Variants in GDPD4 observed in about 807,000 individuals in gnomAD.
GDPD4 encodes the protein glycerophosphodiester phosphodiesterase domain containing 4.
In GDPD4, 60 loss-of-function variants were observed where a neutral mutation model predicts 67.8. The ratio of observed to expected loss-of-function variants is 0.88; its 90% CI spans 0.72 to 1.10. The LOEUF is 1.10. Among genes scored for constraint, GDPD4 ranks in the 50% least tolerant of loss-of-function variants. The probability of loss-of-function intolerance (pLI) is 0.00; values close to 1 mark genes in which losing one functional copy is unlikely to be tolerated. For missense variants in GDPD4, 623 were observed against 613.9 expected (o/e 1.01, Z -0.16); for synonymous variants, 212 against 210.9 (o/e 1.00, Z -0.04).
At chr11:77,286,274 T>C (rs1591578354) in intron 2 of GDPD4, among the ~76,000 whole-genome samples, 1 of 152,216 alleles carries the variant, frequency 6.6e-6, no homozygotes, top group Non-Finnish European at 1.5e-5. Context: ...CCCCTTGGTA[T>C]GTGCCTGTGT....
At chr11:77,232,404 A>G (rs898912333) in intron 14 of GDPD4, among the ~76,000 whole-genome samples, 9 of 152,200 alleles carry the variant, frequency 5.9e-5, no homozygotes, top group Non-Finnish European at 1.3e-4. Flanking sequence ...TGTAGCAGTA[A>G]CTGGTTAGCT....
intron 16 of GDPD4, among the ~76,000 whole-genome samples, chr11:77,225,912 T>C (rs1256786493): frequency 1.3e-5 from 2 of 152,186 alleles, no homozygotes; most frequent in African/African-American, 4.8e-5. Context: ...GTTCCTTCCC[T>C]GATTCTAAAC....
At chr11:77,229,020 G>C in intron 15 of GDPD4, 130 bp downstream of exon 15, 1 of 559,196 alleles carries the variant, frequency 1.8e-6, no homozygotes, top group Non-Finnish European at 3.2e-6. Context: ...CATGAGAAGA[G>C]AGATTCAGAT....
At chr11:77,233,874 A>C (rs2135831852) in intron 13 of GDPD4, among the ~76,000 whole-genome samples, 1 of 152,324 alleles carries the variant, frequency 6.6e-6, no homozygotes, top group Admixed American at 6.5e-5. Flanking sequence ...GAATTTTTGC[A>C]AGTAATGAAA....
intron 13 of GDPD4, among the ~76,000 whole-genome samples, chr11:77,235,357 C>G (rs1218018044): frequency 6.6e-6 from 1 of 151,634 alleles, no homozygotes; most frequent in Admixed American, 6.6e-5. Context: ...AAAAGCACAG[C>G]CCTACAATAA....
chr11:77,217,708 AGT>A (rs2135813326), intron 16 of GDPD4, among the ~76,000 whole-genome samples: 1 of 152,396 alleles, frequency 6.6e-6, no homozygotes, highest in Non-Finnish European at 1.5e-5. Context: ...AGTGCTCAGA[AGT>A]GTTTGTCACA....
At chr11:77,281,711 TTGGAACC>T (rs1435329997) in intron 3 of GDPD4, among the ~76,000 whole-genome samples, 1 of 152,158 alleles carries the variant, frequency 6.6e-6, no homozygotes, top group Non-Finnish European at 1.5e-5. Context: ...ACACTTTGAT[TTGGAACC>T]TTACAGGGTT....
chr11:77,219,684 T>C (rs1958190447), intron 16 of GDPD4, among the ~76,000 whole-genome samples: 1 of 152,176 alleles, frequency 6.6e-6, no homozygotes, highest in African/African-American at 2.4e-5. Flanking sequence ...GATCAGATGG[T>C]TATAGATGTG....
chr11:77,237,894 C>T (rs575786554), intron 13 of GDPD4, among the ~76,000 whole-genome samples: 7 of 152,264 alleles, frequency 4.6e-5, no homozygotes, highest in African/African-American at 1.7e-4. Flanking sequence ...GCACTACAAA[C>T]TGAGTGACAG....
intron 10 of GDPD4, among the ~76,000 whole-genome samples, chr11:77,262,199 G>T (rs1033122815): frequency 6.6e-6 from 1 of 152,174 alleles, no homozygotes; most frequent in African/African-American, 2.4e-5. Flanking sequence ...CTTTTGTCAT[G>T]CAGAATCAGA....
At position 77,270,952 on chromosome 11, in the gene GDPD4, T is replaced by C. The variant is rs963423657; in HGVS notation, c.400+178A>G. On this transcript the variant is annotated intron_variant, in intron 7 of 16. Transcript: ENST00000315938. ...GCCACAGAAATACTATGACAGGCCA[T>C]TGGCCACTATAACAGGGTAGTGAGT... 22 of 553,940 alleles carry C rather than the reference T, an allele frequency of 4.0e-5. No individual in the cohort carries two copies. In the Middle Eastern group the frequency reaches 2.3e-3, roughly 57 times the overall value. 34.3% of individuals were successfully genotyped at this position (553,940 alleles called of 1,614,324 possible). A position where few individuals can be genotyped will look rare whatever the true frequency, so the allele number is the denominator to read the frequency against.
Position 77,217,125 on chromosome 11 carries a change from T to C in GDPD4, c.*152A>G, listed in dbSNP as rs1218518647. 1.4e-6 allele frequency: 1 copy of C among 726,136 alleles called. No homozygotes were observed. Among genetic ancestry groups the C allele is most frequent in the Admixed American group, 2.0e-5 (1 of 50,950 alleles). The allele number at this position is 726,136 out of a possible 1,614,324, so 45.0% of individuals were successfully genotyped here. On this transcript the variant is annotated 3_prime_UTR_variant, in exon 17 of 17. Transcript: ENST00000315938. ...TTCAAAGGTGTGACAGCATTCTTGA[T>C]AGGTAGTAGTTTCTTGGATGGTGCT...
intron 11 of GDPD4, among the ~76,000 whole-genome samples, chr11:77,249,090 C>T (rs1364452845): frequency 7.9e-5 from 12 of 151,096 alleles, no homozygotes; most frequent in Non-Finnish European, 1.5e-4. Context: ...CATGGTGAAA[C>T]CCTGTCTCTA....
Position 77,258,405 on chromosome 11 carries a change from T to C in GDPD4, c.845A>G (p.Lys282Arg). Residue 282 changes from lysine to arginine, a missense_variant, in exon 11 of 17, where the codon AAA becomes AGA. Coordinates refer to ENST00000315938, the MANE Select transcript of GDPD4 (RefSeq NM_182833.3). Reference protein sequence around the residue: ...WDFLSTLNAGKWFVKPELRPF... With the variant: ...WDFLSTLNAGRWFVKPELRPF... Reference sequence around the variant, plus strand: ...TCTTACCTCTGGTTTTACAAACCATTTGCCTGCATTCAGAGTCGATAGGAA... The same window carrying C: ...TCTTACCTCTGGTTTTACAAACCATCTGCCTGCATTCAGAGTCGATAGGAA... 1 of 1,614,152 alleles carries C rather than the reference T, an allele frequency of 6.2e-7. No individual in the cohort carries two copies. The highest frequency in any genetic ancestry group is 2.2e-5 in the East Asian group (1 of 44,878).
At chr11:77,266,601 TAGG>T (rs1348713936) in intron 10 of GDPD4, among the ~76,000 whole-genome samples, 1 of 152,186 alleles carries the variant, frequency 6.6e-6, no homozygotes, top group Non-Finnish European at 1.5e-5. Flanking sequence ...ATTGTTTTCA[TAGG>T]AGATGACCGC....
Position 77,218,015 on chromosome 11 carries a change from AGTT to A in GDPD4, c.1526-704_1526-702del, listed in dbSNP as rs919068506. On this transcript the variant is annotated intron_variant, in intron 16 of 16. Coordinates refer to ENST00000315938, the MANE Select transcript of GDPD4 (RefSeq NM_182833.3). ...ATTAATTAATTTTTAAAAGTTTTTT[AGTT>A]GTTATAAATATTCAAAGCTTTTTTT... Among the ~76,000 whole-genome samples the A allele has an allele frequency of 3.3e-5, 5 of 151,874 alleles. 1 individual carries two copies. In the South Asian group the frequency reaches 6.2e-4, roughly 19 times the overall value.
intron 1 of GDPD4, among the ~76,000 whole-genome samples, chr11:77,289,307 G>A (rs1937678616): frequency 6.7e-6 from 1 of 150,044 alleles, no homozygotes; most frequent in South Asian, 2.1e-4. Context: ...AGGTTGCAGT[G>A]AGCCAAGATC....
chr11:77,245,922 T>C (rs1958773899), intron 11 of GDPD4, among the ~76,000 whole-genome samples: 1 of 152,234 alleles, frequency 6.6e-6, no homozygotes, highest in African/African-American at 2.4e-5. Flanking sequence ...CTTGACTTCC[T>C]TGCCATATCC....
intron 14 of GDPD4, among the ~76,000 whole-genome samples, chr11:77,230,857 C>T (rs188841784): frequency 6.6e-6 from 1 of 152,284 alleles, no homozygotes; most frequent in East Asian, 1.9e-4. Flanking sequence ...TTTTCCTTGG[C>T]CAATGGAACA....
Sources: allele counts gnomAD v4.1 joint callset (sites outside exome capture counted in the v4.1 genomes callset), GRCh38; gene constraint gnomAD v4.1.1; transcripts MANE v1.5; gene names NCBI Gene and HGNC (gene_info 2026-07-23, HGNC 2026-07-21).